The following CEP128 variants were observed in gnomAD, a reference collection of about 807,000 sequenced individuals.
CEP128 encodes the protein centrosomal protein 128kDa.
A neutral mutation model predicts 156.7 loss-of-function variants in CEP128; 132 were observed. That is an observed-to-expected ratio of 0.84 (90% CI 0.73 to 0.97). CEP128 has a LOEUF of 0.97. CEP128 is among the 50% of genes least tolerant of loss of function. The pLI is 0.00. For missense variants in CEP128, 1,252 were observed against 1,281.9 expected, an observed-to-expected ratio of 0.98 and a Z score of 0.36; for synonymous variants, 469 against 448.9, an observed-to-expected ratio of 1.04 and a Z score of -0.57.
intron 13 of CEP128, among the ~76,000 whole-genome samples, chr14:80,807,183 C>T (rs577986635): frequency 2.5e-4 from 38 of 151,946 alleles, no homozygotes; most frequent in African/African-American, 9.2e-4. Context: ...ATAAAGCCAC[C>T]CAATATTCAA....
chr14:80,871,344 G>C (rs1378017022), intron 8 of CEP128, among the ~76,000 whole-genome samples: 1 of 152,146 alleles, frequency 6.6e-6, no homozygotes, highest in Non-Finnish European at 1.5e-5. Context: ...ACTGAGAAGA[G>C]ATGGTAGCTT....
chr14:80,552,335 A>G (rs775095823), intron 21 of CEP128, among the ~76,000 whole-genome samples: 2 of 152,014 alleles, frequency 1.3e-5, no homozygotes, highest in African/African-American at 4.8e-5. Flanking sequence ...AAATAAAAAC[A>G]AAACAAAACA....
At chr14:80,505,740 C>T (rs979915618) in intron 23 of CEP128, among the ~76,000 whole-genome samples, 2 of 152,158 alleles carry the variant, frequency 1.3e-5, no homozygotes, top group East Asian at 1.9e-4. Context: ...ATTTAAAATA[C>T]GTGTTTAATA....
intron 19 of CEP128, among the ~76,000 whole-genome samples, chr14:80,735,260 A>G (rs1372280478): frequency 6.6e-6 from 1 of 152,208 alleles, no homozygotes; most frequent in Admixed American, 6.5e-5. Context: ...GCCTAAGCCA[A>G]TAAGGACTGT....
chr14:80,503,159 A>G (rs893449309), intron 24 of CEP128, among the ~76,000 whole-genome samples: 1 of 152,190 alleles, frequency 6.6e-6, no homozygotes, highest in African/African-American at 2.4e-5. Context: ...TTACTAATTA[A>G]TTAAACTAAT....
intron 13 of CEP128, among the ~76,000 whole-genome samples, chr14:80,802,410 C>T (rs1218203948): frequency 9.2e-5 from 14 of 152,060 alleles, no homozygotes; most frequent in Non-Finnish European, 2.1e-4. Context: ...AGCTGGAAGC[C>T]ATCCTCCTCA....
chr14:80,752,454 T>G (rs1899444189), intron 18 of CEP128, among the ~76,000 whole-genome samples: 1 of 152,204 alleles, frequency 6.6e-6, no homozygotes, highest in African/African-American at 2.4e-5. Context: ...ATACTTTTGC[T>G]CAATTAACTG....
chr14:80,678,049 A>ATATATATAT lies in CEP128; in HGVS notation c.2806+65025_2806+65026insATATATATA, dbSNP rs1555390206. 1.3e-3 allele frequency among the ~76,000 whole-genome samples: 125 copies of ATATATATAT among 98,490 alleles called. 1 individual carries two copies. The highest frequency in any genetic ancestry group is 5.3e-3 in the Middle Eastern group (1 of 190). 64.6% of individuals were successfully genotyped at this position (98,490 alleles called of 152,430 possible). A position where few individuals can be genotyped will look rare whatever the true frequency, so the allele number is the denominator to read the frequency against. ...ATGGACAGTTGCTCTATAAAAAAAA[A>ATATATATAT]ATATATATATATATGTATATATATA... On this transcript the variant is annotated intron_variant, in intron 19 of 24. Transcript: ENST00000555265.
intron 2 of CEP128, chr14:80,955,907 T>G: frequency 6.2e-7 from 1 of 1,610,310 alleles, no homozygotes; most frequent in East Asian, 2.2e-5. Flanking sequence ...TCTGCAGAGG[T>G]GGCCCGAAGT....
downstream of CEP128, among the ~76,000 whole-genome samples, chr14:80,492,706 C>T (rs961692505): frequency 6.6e-6 from 1 of 151,940 alleles, no homozygotes; most frequent in Non-Finnish European, 1.5e-5. Context: ...CACAAGTACA[C>T]CAGACTCTCA....
chr14:80,692,509 G>T (rs1896753153), intron 19 of CEP128, among the ~76,000 whole-genome samples: 1 of 152,188 alleles, frequency 6.6e-6, no homozygotes, highest in Non-Finnish European at 1.5e-5. Flanking sequence ...GAAGAGCCAA[G>T]TGGTGTGGTA....
chr14:80,623,404 A>G (rs946552551), intron 19 of CEP128, among the ~76,000 whole-genome samples: 2 of 151,942 alleles, frequency 1.3e-5, no homozygotes, highest in Admixed American at 1.3e-4. Flanking sequence ...GCACATGTAT[A>G]CATATGTAAC....
At chr14:80,847,901 T>A (rs892923863) in intron 9 of CEP128, among the ~76,000 whole-genome samples, 9 of 152,210 alleles carry the variant, frequency 5.9e-5, no homozygotes, top group African/African-American at 2.2e-4. Flanking sequence ...CATGATAGTA[T>A]TGGCCAAATG....
chr14:80,884,857 C>G lies in CEP128; in HGVS notation c.645+10861G>C, dbSNP rs1470406919. The stretch of plus-strand genomic sequence containing the variant: ...GGCTGAAGCCAGGGAGCCAAGTGGT[C>G]TCACTCAGCGGGTCCCACTCCCACA... On this transcript the variant is annotated intron_variant, in intron 8 of 24. Coordinates refer to ENST00000555265, the MANE Select transcript of CEP128 (RefSeq NM_152446.5). Among the ~76,000 whole-genome samples, 2 of 152,172 alleles carry G rather than the reference C, an allele frequency of 1.3e-5. 1 individual carries two copies. The highest frequency in any genetic ancestry group is 3.9e-4 in the East Asian group (2 of 5,188).
chr14:80,607,160 T>A (rs536005549), intron 19 of CEP128, among the ~76,000 whole-genome samples: 1 of 152,164 alleles, frequency 6.6e-6, no homozygotes, highest in East Asian at 1.9e-4. Context: ...TTAAATGTGT[T>A]ATGTACATAT....
At chr14:80,692,379 A>G (rs1314479801) in intron 19 of CEP128, among the ~76,000 whole-genome samples, 1 of 152,192 alleles carries the variant, frequency 6.6e-6, no homozygotes, top group African/African-American at 2.4e-5. Flanking sequence ...GCTGAGTTCA[A>G]TTATTGAATG....
chr14:80,770,566 A>G (rs1334439682), intron 16 of CEP128, among the ~76,000 whole-genome samples: 1 of 152,192 alleles, frequency 6.6e-6, no homozygotes, highest in Non-Finnish European at 1.5e-5. Context: ...TCAATTAAAC[A>G]TACTTTAAAT....
chr14:80,686,690 T>G (rs1017275443), intron 19 of CEP128, among the ~76,000 whole-genome samples: 1 of 152,168 alleles, frequency 6.6e-6, no homozygotes, highest in African/African-American at 2.4e-5. Flanking sequence ...CCATCTCATA[T>G]GCAAAGACAC....
chr14:80,617,371 C>G (rs1427249186), intron 19 of CEP128, among the ~76,000 whole-genome samples: 1 of 151,740 alleles, frequency 6.6e-6, no homozygotes, highest in African/African-American at 2.4e-5. Flanking sequence ...GCTGGGACTA[C>G]AGGCGCAAGA....
Sources: allele counts gnomAD v4.1 joint callset (sites outside exome capture counted in the v4.1 genomes callset), GRCh38; gene constraint gnomAD v4.1.1; transcripts MANE v1.5; gene names NCBI Gene and HGNC (gene_info 2026-07-23, HGNC 2026-07-21).